MRPL1: variants seen among roughly 807,000 people sequenced by gnomAD.
The protein encoded by MRPL1 is large ribosomal subunit protein uL1m.
A neutral mutation model predicts 38.0 loss-of-function variants in MRPL1; 28 were observed. The ratio of observed to expected loss-of-function variants is 0.74; its 90% CI spans 0.55 to 1.01. MRPL1 has a LOEUF of 1.01. Ranked by LOEUF, MRPL1 falls within the 50% of genes least tolerant of loss-of-function variation. The pLI, the probability that MRPL1 is intolerant of heterozygous loss-of-function variation, is 0.00. For synonymous variants in MRPL1, 123 were observed against 126.7 expected (o/e 0.97, Z 0.20); for missense variants, 358 against 389.8 (o/e 0.92, Z 0.69).
At chr4:77,949,753 C>T (rs1737363639) in intron 7 of MRPL1, 44 bp from the exon 8 acceptor site, 1 of 1,267,402 alleles carries the variant, frequency 7.9e-7, no homozygotes, top group Non-Finnish European at 1.1e-6. Flanking sequence ...TTATTATCTT[C>T]TTGCTTTCTC....
At chr4:77,881,592 C>A (rs777844395) in intron 2 of MRPL1, among the ~76,000 whole-genome samples, 14 of 151,948 alleles carry the variant, frequency 9.2e-5, no homozygotes, top group Non-Finnish European at 1.5e-4. Context: ...CAGGTGTGTA[C>A]CACTATGCCC....
chr4:77,889,705 A>G (rs1246981256), intron 5 of MRPL1, among the ~76,000 whole-genome samples: 1 of 152,228 alleles, frequency 6.6e-6, no homozygotes, highest in Non-Finnish European at 1.5e-5. Flanking sequence ...TGGTTTTTTG[A>G]AGAGATCAAC....
At chr4:77,899,712 G>C (rs950929201) in intron 6 of MRPL1, among the ~76,000 whole-genome samples, 1 of 151,998 alleles carries the variant, frequency 6.6e-6, no homozygotes, top group South Asian at 2.1e-4. Flanking sequence ...ATACTTGATC[G>C]TATAGTATAG....
chr4:77,939,481 C>G (rs1481931657), intron 7 of MRPL1, among the ~76,000 whole-genome samples: 1 of 152,108 alleles, frequency 6.6e-6, no homozygotes, highest in African/African-American at 2.4e-5. Flanking sequence ...TTCTCCCACT[C>G]TTTGGGTTGT....
At chr4:77,944,671 A>G (rs554717021) in intron 7 of MRPL1, among the ~76,000 whole-genome samples, 1 of 152,322 alleles carries the variant, frequency 6.6e-6, no homozygotes, top group South Asian at 2.1e-4. Flanking sequence ...AACATCTAAA[A>G]ATTAGGAAGG....
At chr4:77,870,681 AG>A (rs1707326396) in intron 1 of MRPL1, among the ~76,000 whole-genome samples, 1 of 152,244 alleles carries the variant, frequency 6.6e-6, no homozygotes, top group African/African-American at 2.4e-5. Context: ...GTTTCTAAAA[AG>A]ATGCATAAGG....
At chr4:77,870,369 T>C (rs1735252360) in intron 1 of MRPL1, among the ~76,000 whole-genome samples, 1 of 152,218 alleles carries the variant, frequency 6.6e-6, no homozygotes. Context: ...TGTTCCTTCA[T>C]TTATCATACG....
chr4:77,876,300 T>C (rs1735396739), intron 2 of MRPL1, among the ~76,000 whole-genome samples: 1 of 152,174 alleles, frequency 6.6e-6, no homozygotes, highest in Non-Finnish European at 1.5e-5. Flanking sequence ...GCTTATGCCT[T>C]TTGCCTGTTT....
chr4:77,897,297 G>A (rs1162945728), intron 6 of MRPL1, among the ~76,000 whole-genome samples: 1 of 151,956 alleles, frequency 6.6e-6, no homozygotes, highest in East Asian at 1.9e-4. Flanking sequence ...CAGGTAATCT[G>A]CCTGCTTCAG....
At chr4:77,893,164 C>T (rs1735841093) in intron 5 of MRPL1, among the ~76,000 whole-genome samples, 1 of 152,132 alleles carries the variant, frequency 6.6e-6, no homozygotes, top group Non-Finnish European at 1.5e-5. Context: ...ATATTTCTTG[C>T]TTGGGCAGTG....
At chr4:77,863,787 T>C (rs1389602535) in intron 1 of MRPL1, among the ~76,000 whole-genome samples, 1 of 152,112 alleles carries the variant, frequency 6.6e-6, no homozygotes, top group African/African-American at 2.4e-5. Context: ...TTTTTGCTTT[T>C]ATTTTGTGTT....
At chr4:77,939,196 T>C (rs1473956179) in intron 7 of MRPL1, among the ~76,000 whole-genome samples, 2 of 152,174 alleles carry the variant, frequency 1.3e-5, no homozygotes, top group Non-Finnish European at 2.9e-5. Flanking sequence ...GTTACTTCAC[T>C]TAGAAAAATG....
At chr4:77,943,573 G>C (rs1560476671) in intron 7 of MRPL1, among the ~76,000 whole-genome samples, 1 of 151,718 alleles carries the variant, frequency 6.6e-6, no homozygotes, top group Non-Finnish European at 1.5e-5. Flanking sequence ...TATTTATTTT[G>C]ATTCTCTTTT....
At chr4:77,868,405 A>C (rs1444801154) in intron 1 of MRPL1, among the ~76,000 whole-genome samples, 2 of 151,578 alleles carry the variant, frequency 1.3e-5, no homozygotes, top group African/African-American at 4.9e-5. Context: ...ACACCCGGCT[A>C]ATTTTTTTTG....
At chr4:77,898,989 A>ATTTTT (rs745761741) in intron 6 of MRPL1, among the ~76,000 whole-genome samples, 1 of 95,074 alleles carries the variant, frequency 1.1e-5, no homozygotes, top group Non-Finnish European at 2.1e-5. Flanking sequence ...TTATGCACAG[A>ATTTTT]TTTTTTTTTT....
intron 1 of MRPL1, chr4:77,864,890 C>CT (rs112779226): frequency 0.21 from 28,260 of 135,568 alleles, 3,547 homozygotes; most frequent in African/African-American, 0.34. Flanking sequence ...TTGTGTATAT[C>CT]TTTTTTTTTT....
chr4:77,880,425 T>C (rs1383081272), intron 2 of MRPL1, among the ~76,000 whole-genome samples: 1 of 152,004 alleles, frequency 6.6e-6, no homozygotes, highest in Non-Finnish European at 1.5e-5. Context: ...TGTGATTAGA[T>C]TGGGCCCACG....
At chr4:77,893,179 G>T (rs1735841699) in intron 5 of MRPL1, among the ~76,000 whole-genome samples, 1 of 152,132 alleles carries the variant, frequency 6.6e-6, no homozygotes, top group Admixed American at 6.5e-5. Flanking sequence ...GCAGTGGCAC[G>T]ATCTTGGCTT....
chr4:77,920,911 C>T (rs1238153273), intron 7 of MRPL1, among the ~76,000 whole-genome samples: 1 of 152,076 alleles, frequency 6.6e-6, no homozygotes, highest in East Asian at 1.9e-4. Flanking sequence ...TTACAGGCGC[C>T]TGGCACCACA....
Sources: allele counts gnomAD v4.1 joint callset (sites outside exome capture counted in the v4.1 genomes callset), GRCh38; gene constraint gnomAD v4.1.1; transcripts MANE v1.5; gene names NCBI Gene and HGNC (gene_info 2026-07-23, HGNC 2026-07-21).